Variants in SMIM14 observed in about 807,000 individuals in gnomAD.
SMIM14 encodes chromosome 4 open reading frame 34.
Under a neutral mutation model 12.6 loss-of-function variants are expected in SMIM14, and 5 were observed. The ratio of observed to expected loss-of-function variants is 0.40; its 90% CI spans 0.21 to 0.83. The LOEUF (loss-of-function observed/expected upper bound fraction) is 0.83, where lower values mean the gene tolerates loss of function less well. SMIM14 is among the 40% of genes least tolerant of loss of function. The pLI is 0.37. For synonymous variants in SMIM14, 30 were observed against 40.1 expected (o/e 0.75, Z 0.95); for missense variants, 86 against 119.1 (o/e 0.72, Z 1.29).
intron 1 of SMIM14, among the ~76,000 whole-genome samples, chr4:39,632,775 T>TCTCA (rs1491131917): frequency 2.6e-4 from 30 of 115,096 alleles, no homozygotes; most frequent in African/African-American, 9.0e-4. Flanking sequence ...GAGACTCCCG[T>TCTCA]CACACACACA....
chr4:39,609,836 C>G (rs1023833662), intron 1 of SMIM14, among the ~76,000 whole-genome samples: 9 of 152,158 alleles, frequency 5.9e-5, no homozygotes, highest in African/African-American at 2.2e-4. Context: ...AATGCTCTTT[C>G]AACAGATCAG....
intron 2 of SMIM14, among the ~76,000 whole-genome samples, chr4:39,583,129 C>T (rs1016449200): frequency 1.3e-5 from 2 of 152,076 alleles, no homozygotes; most frequent in African/African-American, 4.8e-5. Flanking sequence ...CACTCTGTTG[C>T]CCTGGCTGGT....
intron 1 of SMIM14, among the ~76,000 whole-genome samples, chr4:39,611,513 A>G (rs1715033201): frequency 1.3e-5 from 2 of 151,860 alleles, no homozygotes. Flanking sequence ...CTCAAAAAAA[A>G]AAAAAAAACA....
At position 39,572,409 on chromosome 4, in the gene SMIM14, A is replaced by G. The variant is rs756594520; in HGVS notation, c.124+6T>C. The G allele has an allele frequency of 3.1e-6, 5 of 1,598,196 alleles. No homozygotes were observed. Among genetic ancestry groups the G allele is most frequent in the Non-Finnish European group, 2.6e-6 (3 of 1,172,242 alleles). On this transcript the variant is annotated splice_donor_region_variant and intron_variant, in intron 3 of 4. Coordinates refer to ENST00000295958, the MANE Select transcript of SMIM14 (RefSeq NM_174921.3). Reference sequence around the variant, plus strand: ...CCATCCTTCCTCCTGTCTCAGTGGTACTTACATTCCTGAAGACACTCTGTG... The same window carrying G: ...CCATCCTTCCTCCTGTCTCAGTGGTGCTTACATTCCTGAAGACACTCTGTG...
At chr4:39,576,670 A>ATG (rs1298815508) in intron 2 of SMIM14, among the ~76,000 whole-genome samples, 75 of 28,866 alleles carry the variant, frequency 2.6e-3, no homozygotes, top group African/African-American at 6.3e-3. Flanking sequence ...GTATATATAT[A>ATG]TATATATATA....
intron 3 of SMIM14, among the ~76,000 whole-genome samples, chr4:39,564,964 C>A (rs1285479031): frequency 1.3e-5 from 2 of 152,184 alleles, no homozygotes; most frequent in African/African-American, 2.4e-5. Flanking sequence ...GTAATCCCAG[C>A]ACTTTGGGAA....
intron 2 of SMIM14, among the ~76,000 whole-genome samples, chr4:39,576,660 G>GTGTGTATATATATATATATATATATATA (rs1339477098): frequency 2.3e-4 from 17 of 72,374 alleles, no homozygotes; most frequent in East Asian, 1.8e-3. Context: ...GTGTGTATGT[G>GTGTGTATATATATATATATATATATATA]TATATATATA....
chr4:39,614,299 A>G (rs969976108), intron 1 of SMIM14, among the ~76,000 whole-genome samples: 35 of 151,906 alleles, frequency 2.3e-4, no homozygotes, highest in African/African-American at 6.8e-4. Flanking sequence ...AAGTTGGGTT[A>G]TAGGTTCTGG....
rs1711686770 is a variant in SMIM14, at chr4:39,551,238, T to A, written c.*888A>T. The A allele has an allele frequency of 6.6e-6, 1 of 152,218 alleles. No individual in the cohort carries two copies. The highest frequency in any genetic ancestry group is 1.5e-5 in the Non-Finnish European group (1 of 68,030). The allele number at this position is 152,218 out of a possible 1,614,324, so 9.4% of individuals were successfully genotyped here. On this transcript the variant is annotated 3_prime_UTR_variant, in exon 5 of 5. Transcript: ENST00000295958. ...GATTTTCATTTTAACAGGGAACTGT[T>A]AGAACAGAAAAGAAGCTTCCCAAGA...
intron 1 of SMIM14, among the ~76,000 whole-genome samples, chr4:39,611,222 C>G (rs894570734): frequency 6.6e-6 from 1 of 152,158 alleles, no homozygotes; most frequent in Non-Finnish European, 1.5e-5. Flanking sequence ...ATTAATTCAT[C>G]CAGCCAGACA....
At chr4:39,624,211 C>G (rs920146229) in intron 1 of SMIM14, among the ~76,000 whole-genome samples, 1 of 152,172 alleles carries the variant, frequency 6.6e-6, no homozygotes, top group Non-Finnish European at 1.5e-5. Flanking sequence ...AAATGGCTCT[C>G]AAATATTACC....
intron 3 of SMIM14, among the ~76,000 whole-genome samples, chr4:39,569,403 A>C (rs1386771804): frequency 6.6e-6 from 1 of 152,218 alleles, no homozygotes; most frequent in African/African-American, 2.4e-5. Flanking sequence ...CAATTACCTT[A>C]CTGCGTCTTG....
rs762637246 is a variant in SMIM14, at chr4:39,556,503, T to C, written c.192A>G (p.Ala64=). 1.2e-6 allele frequency: 2 copies of C among 1,613,954 alleles called. No individual in the cohort carries two copies. Among genetic ancestry groups the C allele is most frequent in the Non-Finnish European group, 1.7e-6 (2 of 1,179,982 alleles). ...GAGGTCTCAGTAAGAACAAGATCAA[T>C]GCAATAACCATCCAGGCTACCAAGA... ...TMILVAWMVI[A]LILFLLRPPN... The change falls in exon 4 of 5, where the codon GCA becomes GCG. Residue 64 remains alanine, a synonymous_variant. Transcript: ENST00000295958.
chr4:39,632,782 CACA>C (rs1192026874), intron 1 of SMIM14, among the ~76,000 whole-genome samples: 10 of 44,516 alleles, frequency 2.2e-4, no homozygotes, highest in Non-Finnish European at 3.7e-4. Flanking sequence ...CCGTCACACA[CACA>C]CACACACACA....
chr4:39,595,506 T>C (rs1034888258), intron 2 of SMIM14, among the ~76,000 whole-genome samples: 6 of 151,762 alleles, frequency 4.0e-5, no homozygotes, highest in Non-Finnish European at 7.4e-5. Flanking sequence ...TATACATATG[T>C]AACTAACCTG....
intron 1 of SMIM14, among the ~76,000 whole-genome samples, chr4:39,619,220 T>C (rs1341308997): frequency 7.0e-6 from 1 of 142,306 alleles, no homozygotes; most frequent in Non-Finnish European, 1.5e-5. Flanking sequence ...ATAAATATAA[T>C]TTATTCTATA....
chr4:39,624,025 C>A (rs1478466016), intron 1 of SMIM14, among the ~76,000 whole-genome samples: 2 of 152,036 alleles, frequency 1.3e-5, no homozygotes, highest in Non-Finnish European at 2.9e-5. Flanking sequence ...AGATACTGGT[C>A]AATGAAATGG....
chr4:39,560,746 C>A lies in SMIM14; in HGVS notation c.125-4176G>T, dbSNP rs76926091. Among the ~76,000 whole-genome samples the A allele has an allele frequency of 1.9e-3, 287 of 152,238 alleles. 6 individuals are homozygous for A. The East Asian group carries it at 0.034, about 18-fold the overall frequency. ...CATGAGCATCTCCCCCGCCCTACCC[C>A]CTTCCACCCCAACTACCAAACTGGA... On this transcript the variant is annotated intron_variant, in intron 3 of 4. Coordinates refer to ENST00000295958, the MANE Select transcript of SMIM14 (RefSeq NM_174921.3).
intron 1 of SMIM14, among the ~76,000 whole-genome samples, chr4:39,614,599 G>T (rs13138854): frequency 0.47 from 71,041 of 151,942 alleles, 16,874 homozygotes; most frequent in Middle Eastern, 0.51. Context: ...TGGGATTACA[G>T]GCGTAAACCA....
Sources: allele counts gnomAD v4.1 joint callset (sites outside exome capture counted in the v4.1 genomes callset), GRCh38; gene constraint gnomAD v4.1.1; transcripts MANE v1.5; gene names NCBI Gene and HGNC (gene_info 2026-07-23, HGNC 2026-07-21).